ELAVL2: variants seen among roughly 807,000 people sequenced by gnomAD.
ELAVL2 encodes the protein ELAV-like protein 2.
A neutral mutation model predicts 34.6 loss-of-function variants in ELAVL2; 4 were observed. The ratio of observed to expected loss-of-function variants is 0.12; its 90% CI spans 0.06 to 0.26. The LOEUF (loss-of-function observed/expected upper bound fraction) is 0.26, where lower values mean the gene tolerates loss of function less well. Among genes scored for constraint, ELAVL2 ranks in the 10% least tolerant of loss-of-function variants. The probability of loss-of-function intolerance (pLI) is 1.00; values close to 1 mark genes in which losing one functional copy is unlikely to be tolerated. For synonymous variants in ELAVL2, 193 were observed against 154.8 expected, an observed-to-expected ratio of 1.25 and a Z score of -1.83; for missense variants, 432 against 442.8, an observed-to-expected ratio of 0.98 and a Z score of 0.22.
At chr9:23,717,334 T>C (rs1254976309) in intron 3 of ELAVL2, among the ~76,000 whole-genome samples, 3 of 152,210 alleles carry the variant, frequency 2.0e-5, no homozygotes, top group Non-Finnish European at 4.4e-5. Flanking sequence ...CAAATATGTT[T>C]CTACGAGCAA....
chr9:23,701,292 A>G, intron 5 of ELAVL2, 87 bp downstream of exon 5: 2 of 1,413,404 alleles, frequency 1.4e-6, no homozygotes, highest in Middle Eastern at 1.8e-4. Flanking sequence ...AGCAAACCAG[A>G]GATCCTGTCA....
upstream of ELAVL2, among the ~76,000 whole-genome samples, chr9:23,827,981 TAAC>T (rs1189020414): frequency 6.6e-6 from 1 of 152,138 alleles, no homozygotes; most frequent in Non-Finnish European, 1.5e-5. Flanking sequence ...AGTTTTTGTA[TAAC>T]AACCTCTGGA....
intron 1 of ELAVL2, among the ~76,000 whole-genome samples, chr9:23,780,248 C>CAT (rs1412487063): frequency 2.0e-5 from 3 of 151,938 alleles, no homozygotes; most frequent in Non-Finnish European, 4.4e-5. Flanking sequence ...TTCCTAATCT[C>CAT]ATGCATGAGA....
intron 3 of ELAVL2, among the ~76,000 whole-genome samples, chr9:23,725,942 A>G (rs1288179417): frequency 6.6e-6 from 1 of 152,136 alleles, no homozygotes; most frequent in East Asian, 1.9e-4. Flanking sequence ...TATAAATGGA[A>G]ACTTAAATGG....
intron 1 of ELAVL2, among the ~76,000 whole-genome samples, chr9:23,778,550 C>A (rs1180367311): frequency 6.6e-6 from 1 of 152,198 alleles, no homozygotes; most frequent in Non-Finnish European, 1.5e-5. Flanking sequence ...CTTTCCAGCT[C>A]TCCCAATACA....
At chr9:23,807,815 A>T (rs2062434174) in intron 1 of ELAVL2, among the ~76,000 whole-genome samples, 2 of 152,230 alleles carry the variant, frequency 1.3e-5, no homozygotes. Context: ...AGTGTTATTT[A>T]AACAAATACT....
At chr9:23,712,123 A>G (rs2041131518) in intron 3 of ELAVL2, among the ~76,000 whole-genome samples, 1 of 152,204 alleles carries the variant, frequency 6.6e-6, no homozygotes, top group African/African-American at 2.4e-5. Flanking sequence ...AAAAGAAAAT[A>G]CAGTGATCAT....
intron 1 of ELAVL2, among the ~76,000 whole-genome samples, chr9:23,795,606 G>A (rs1242916868): frequency 2.6e-5 from 4 of 152,168 alleles, no homozygotes; most frequent in South Asian, 4.1e-4. Flanking sequence ...AAAATACTAC[G>A]TCCATAGTCA....
intron 2 of ELAVL2, among the ~76,000 whole-genome samples, chr9:23,752,024 A>T (rs1218509808): frequency 6.6e-6 from 1 of 152,182 alleles, no homozygotes; most frequent in Non-Finnish European, 1.5e-5. Flanking sequence ...CATTCTTCCC[A>T]CATCATGACA....
chr9:23,797,636 A>G (rs1207950978), intron 1 of ELAVL2, among the ~76,000 whole-genome samples: 1 of 152,256 alleles, frequency 6.6e-6, no homozygotes, highest in Non-Finnish European at 1.5e-5. Flanking sequence ...GAGTGAATAA[A>G]AAGTATGGGA....
In ELAVL2 at chr9:23,692,060, T is replaced by C. The variant is rs1032009743; in HGVS notation, c.*497A>G. On this transcript the variant is annotated 3_prime_UTR_variant, in exon 7 of 7. Coordinates refer to ENST00000397312, the MANE Select transcript of ELAVL2 (RefSeq NM_004432.5). ...AAAATAAATACTGTTTTAAACTTCA[T>C]AAATAAAAATGTAAACTTCAAAATA... The C allele has an allele frequency of 6.5e-6, 1 of 153,760 alleles. No homozygotes were observed. Among genetic ancestry groups the C allele is most frequent in the African/African-American group, 2.4e-5 (1 of 41,202 alleles). 9.5% of individuals were successfully genotyped at this position (153,760 alleles called of 1,614,324 possible). A position where few individuals can be genotyped will look rare whatever the true frequency, so the allele number is the denominator to read the frequency against.
intron 2 of ELAVL2, among the ~76,000 whole-genome samples, chr9:23,741,510 A>T (rs1383310987): frequency 6.6e-5 from 10 of 151,754 alleles, no homozygotes; most frequent in Admixed American, 5.9e-4. Flanking sequence ...CTCCCCTCTC[A>T]ACTCTTTATT....
intron 3 of ELAVL2, among the ~76,000 whole-genome samples, chr9:23,719,022 C>T (rs1189234700): frequency 6.6e-6 from 1 of 152,140 alleles, no homozygotes; most frequent in Non-Finnish European, 1.5e-5. Flanking sequence ...ACATGGACAA[C>T]CTTCACTGTA....
intron 1 of ELAVL2, among the ~76,000 whole-genome samples, chr9:23,771,232 G>A (rs575123781): frequency 6.6e-6 from 1 of 152,208 alleles, no homozygotes; most frequent in East Asian, 1.9e-4. Context: ...ACATTATTAA[G>A]GTGCTACATT....
chr9:23,707,266 C>T (rs2039624527), intron 3 of ELAVL2, among the ~76,000 whole-genome samples: 1 of 152,208 alleles, frequency 6.6e-6, no homozygotes, highest in Non-Finnish European at 1.5e-5. Flanking sequence ...ATTATATATG[C>T]ATTCAGTAAT....
intron 2 of ELAVL2, among the ~76,000 whole-genome samples, chr9:23,756,519 A>G (rs1481492326): frequency 1.3e-5 from 2 of 152,096 alleles, no homozygotes; most frequent in Non-Finnish European, 2.9e-5. Flanking sequence ...ACAGTGAAAG[A>G]ACAATCTACC....
chr9:23,812,944 C>T (rs1221969774), intron 1 of ELAVL2, among the ~76,000 whole-genome samples: 2 of 152,058 alleles, frequency 1.3e-5, no homozygotes, highest in Non-Finnish European at 2.9e-5. Context: ...TCCTAAGAAG[C>T]TACATTAATG....
chr9:23,839,646 G>C, the ELAVL2 span, among the ~76,000 whole-genome samples: 8 of 152,040 alleles, frequency 5.3e-5, no homozygotes, highest in African/African-American at 1.9e-4. Flanking sequence ...TTTTTTATAA[G>C]AAACTGACCT....
chr9:23,709,990 C>G (rs1211023582), intron 3 of ELAVL2, among the ~76,000 whole-genome samples: 3 of 152,020 alleles, frequency 2.0e-5, no homozygotes, highest in African/African-American at 7.2e-5. Context: ...ACAAGCAATA[C>G]TGAGATTATA....
Sources: allele counts gnomAD v4.1 joint callset (sites outside exome capture counted in the v4.1 genomes callset), GRCh38; gene constraint gnomAD v4.1.1; transcripts MANE v1.5; gene names NCBI Gene and HGNC (gene_info 2026-07-23, HGNC 2026-07-21).